Variants in LYPLAL1 observed in about 807,000 individuals in gnomAD.
LYPLAL1 encodes lysophospholipase like 1.
In LYPLAL1, 23 loss-of-function variants were observed where a neutral mutation model predicts 19.7. That is an observed-to-expected ratio of 1.17 (90% CI 0.84 to 1.65). The LOEUF (loss-of-function observed/expected upper bound fraction) is 1.65. Among genes scored for constraint, LYPLAL1 ranks in the 40% most tolerant of loss-of-function variants. The probability of loss-of-function intolerance (pLI) is 0.00; values close to 1 mark genes in which losing one functional copy is unlikely to be tolerated. For missense variants in LYPLAL1, 355 were observed against 279.4 expected (o/e 1.27, Z -1.93); for synonymous variants, 119 against 96.3 (o/e 1.24, Z -1.38).
intron 3 of LYPLAL1, among the ~76,000 whole-genome samples, chr1:219,200,921 G>T (rs1400939794): frequency 6.6e-6 from 1 of 152,178 alleles, no homozygotes; most frequent in Admixed American, 6.5e-5. Context: ...TTTTCTTAAG[G>T]TCTGAGAGCC....
At chr1:219,432,231 A>C in the LYPLAL1 span, among the ~76,000 whole-genome samples, 1 of 152,184 alleles carries the variant, frequency 6.6e-6, no homozygotes, top group South Asian at 2.1e-4. Flanking sequence ...TGGCTTTTTG[A>C]AATGCAGATT....
At chr1:219,431,649 C>T in the LYPLAL1 span, among the ~76,000 whole-genome samples, 1 of 152,322 alleles carries the variant, frequency 6.6e-6, no homozygotes, top group South Asian at 2.1e-4. Context: ...CCATAACTGT[C>T]CATGGAAACT....
chr1:219,236,732 G>C, the LYPLAL1 span, among the ~76,000 whole-genome samples: 2 of 152,178 alleles, frequency 1.3e-5, no homozygotes, highest in Admixed American at 6.6e-5. Flanking sequence ...TGAAATACCA[G>C]TTGCCTGTAA....
At chr1:219,188,491 A>G (rs1458673971) in intron 2 of LYPLAL1, among the ~76,000 whole-genome samples, 1 of 151,768 alleles carries the variant, frequency 6.6e-6, no homozygotes, top group Non-Finnish European at 1.5e-5. Context: ...AGCTCGTACT[A>G]TTTGAAGAAA....
chr1:219,316,010 G>A, the LYPLAL1 span, among the ~76,000 whole-genome samples: 24 of 152,212 alleles, frequency 1.6e-4, no homozygotes, highest in African/African-American at 4.3e-4. Context: ...CTACATGTAC[G>A]TATAAGGACA....
At chr1:219,241,140 A>C in the LYPLAL1 span, among the ~76,000 whole-genome samples, 1,102 of 94,430 alleles carry the variant, frequency 0.012, 10 homozygotes, top group East Asian at 0.019. Context: ...CTCTCTATAT[A>C]TATATATATA....
At chr1:219,220,987 T>G in the LYPLAL1 span, among the ~76,000 whole-genome samples, 3 of 152,178 alleles carry the variant, frequency 2.0e-5, no homozygotes, top group African/African-American at 4.8e-5. Flanking sequence ...GTGATTAATG[T>G]GTCAGAAACA....
intron 2 of LYPLAL1, among the ~76,000 whole-genome samples, chr1:219,187,063 T>A (rs772448259): frequency 5.3e-5 from 8 of 151,534 alleles, no homozygotes; most frequent in Admixed American, 2.6e-4. Context: ...ACTATATAGG[T>A]CCCTTTATCC....
the LYPLAL1 span, among the ~76,000 whole-genome samples, chr1:219,431,320 A>G: frequency 1.3e-5 from 2 of 152,164 alleles, no homozygotes; most frequent in African/African-American, 2.4e-5. Context: ...CTGCCTCCCA[A>G]ATACTTGTGA....
At chr1:219,175,708 G>A (rs1297187596) in intron 1 of LYPLAL1, among the ~76,000 whole-genome samples, 2 of 152,164 alleles carry the variant, frequency 1.3e-5, no homozygotes, top group African/African-American at 4.8e-5. Flanking sequence ...CTCCACTGAA[G>A]TAAATAAAAC....
the LYPLAL1 span, among the ~76,000 whole-genome samples, chr1:219,412,173 C>CA: frequency 6.6e-6 from 1 of 152,124 alleles, no homozygotes; most frequent in Non-Finnish European, 1.5e-5. Context: ...CTCAGCCCCC[C>CA]AACAGGTACA....
At chr1:219,277,774 C>G in the LYPLAL1 span, among the ~76,000 whole-genome samples, 2 of 152,128 alleles carry the variant, frequency 1.3e-5, no homozygotes, top group African/African-American at 4.8e-5. Context: ...CTCCTAAAAC[C>G]AGGAAATTGT....
chr1:219,193,419 C>G (rs1365484696), intron 3 of LYPLAL1, 168 bp downstream of exon 3: 1 of 405,926 alleles, frequency 2.5e-6, no homozygotes. Flanking sequence ...GAATTATAAA[C>G]AGCAGCGCAT....
the LYPLAL1 span, among the ~76,000 whole-genome samples, chr1:219,307,831 T>C: frequency 6.6e-5 from 10 of 152,332 alleles, no homozygotes; most frequent in Admixed American, 3.9e-4. Flanking sequence ...CCTTATTTTT[T>C]CTTGCCGCCG....
chr1:219,425,243 A>G, the LYPLAL1 span, among the ~76,000 whole-genome samples: 2 of 152,096 alleles, frequency 1.3e-5, no homozygotes, highest in South Asian at 2.1e-4. Context: ...TCAAGGCTCT[A>G]CCTCTAATAA....
chr1:219,377,747 A>G, the LYPLAL1 span, among the ~76,000 whole-genome samples: 1 of 152,316 alleles, frequency 6.6e-6, no homozygotes, highest in African/African-American at 2.4e-5. Flanking sequence ...AAGAAACTGC[A>G]AAGTTAAAAT....
chr1:219,419,013 C>T, the LYPLAL1 span, among the ~76,000 whole-genome samples: 1 of 152,070 alleles, frequency 6.6e-6, no homozygotes, highest in South Asian at 2.1e-4. Context: ...AATAATATTC[C>T]ATTGTCTGGA....
At chr1:219,314,019 T>A in the LYPLAL1 span, among the ~76,000 whole-genome samples, 1 of 152,246 alleles carries the variant, frequency 6.6e-6, no homozygotes, top group African/African-American at 2.4e-5. Flanking sequence ...TGTTGTTCCC[T>A]TCTTTGTGTC....
the LYPLAL1 span, among the ~76,000 whole-genome samples, chr1:219,278,678 A>AAAC: frequency 8.0e-3 from 1,210 of 150,650 alleles, 13 homozygotes; most frequent in African/African-American, 0.013. Context: ...AAAAATCACT[A>AAAC]AACAACAACA....
Sources: allele counts gnomAD v4.1 joint callset (sites outside exome capture counted in the v4.1 genomes callset), GRCh38; gene constraint gnomAD v4.1.1; transcripts MANE v1.5; gene names NCBI Gene and HGNC (gene_info 2026-07-23, HGNC 2026-07-21).